Variants in MED12L observed in about 807,000 individuals in gnomAD.
MED12L encodes the protein mediator complex subunit 12L.
In MED12L, 60 loss-of-function variants were observed where a neutral mutation model predicts 281.3. The ratio of observed to expected loss-of-function variants is 0.21; its 90% confidence interval spans 0.17 to 0.26. MED12L has a LOEUF of 0.26. Among genes scored for constraint, MED12L ranks in the 10% least tolerant of loss-of-function variants. MED12L has a pLI of 1.00. For synonymous variants in MED12L, 974 were observed against 987.2 expected, an observed-to-expected ratio of 0.99 and a Z score of 0.25; for missense variants, 2,146 against 2,680.9, an observed-to-expected ratio of 0.80 and a Z score of 4.41.
chr3:151,413,703 C>CT lies in MED12L; in HGVS notation c.6297+409dup, dbSNP rs1350559836. ...TCAGATTCCTAGAGCATTCTGCAAT[C>CT]TAAAAACATTTCTATAACACCTCTG... On this transcript the variant is annotated intron_variant, in intron 42 of 44. Coordinates refer to ENST00000687756, the MANE Select transcript of MED12L (RefSeq NM_001393769.1). Among the ~76,000 whole-genome samples the CT allele has an allele frequency of 2.0e-5, 3 of 152,232 alleles. No individual in the cohort carries two copies. In the East Asian group the frequency reaches 5.8e-4, roughly 29 times the overall value.
intron 5 of MED12L, among the ~76,000 whole-genome samples, chr3:151,151,127 C>T (rs1718443755): frequency 6.9e-6 from 1 of 144,102 alleles, no homozygotes; most frequent in Non-Finnish European, 1.5e-5. Context: ...AGCTCCACGT[C>T]CCGGGGTTCA....
At chr3:151,197,702 G>C (rs970706535) in intron 16 of MED12L, 1 of 152,558 alleles carries the variant, frequency 6.6e-6, no homozygotes, top group Non-Finnish European at 1.5e-5. Flanking sequence ...AAATGTTACA[G>C]GGCCTCTGTG....
At chr3:151,129,292 G>C (rs1365233001) in intron 5 of MED12L, among the ~76,000 whole-genome samples, 1 of 152,146 alleles carries the variant, frequency 6.6e-6, no homozygotes, top group Admixed American at 6.5e-5. Context: ...AACATGGTCT[G>C]AATTCTGTGG....
intron 5 of MED12L, among the ~76,000 whole-genome samples, chr3:151,153,728 C>A (rs1160548403): frequency 6.6e-6 from 1 of 152,044 alleles, no homozygotes; most frequent in East Asian, 1.9e-4. Flanking sequence ...ACTACCATGT[C>A]TGACTAATTT....
At chr3:151,178,766 C>T (rs879826092) in intron 11 of MED12L, among the ~76,000 whole-genome samples, 1 of 152,228 alleles carries the variant, frequency 6.6e-6, no homozygotes, top group African/African-American at 2.4e-5. Flanking sequence ...ATTGCAATGT[C>T]TGACTGTAAA....
At chr3:151,404,099 A>G (rs919670713) in intron 39 of MED12L, among the ~76,000 whole-genome samples, 7 of 152,204 alleles carry the variant, frequency 4.6e-5, no homozygotes, top group African/African-American at 1.7e-4. Context: ...CTTTTTAAAA[A>G]ATGTTTTTAT....
At chr3:151,325,316 TG>T (rs1173063649) in intron 16 of MED12L, among the ~76,000 whole-genome samples, 1 of 152,222 alleles carries the variant, frequency 6.6e-6, no homozygotes, top group Admixed American at 6.5e-5. Flanking sequence ...TGAAGGTTAT[TG>T]GGAAGATCTT....
intron 2 of MED12L, among the ~76,000 whole-genome samples, chr3:151,095,431 A>G (rs1187039507): frequency 1.3e-5 from 2 of 152,092 alleles, no homozygotes; most frequent in Admixed American, 6.5e-5. Flanking sequence ...TCTGCCTCCC[A>G]GTTTCAAGCT....
intron 2 of MED12L, among the ~76,000 whole-genome samples, chr3:151,095,882 A>G (rs1401028494): frequency 2.0e-5 from 3 of 152,210 alleles, no homozygotes; most frequent in Non-Finnish European, 4.4e-5. Flanking sequence ...CTCAAAAGAA[A>G]GCCAGATTAT....
chr3:151,195,549 G>T (rs185796480), intron 16 of MED12L, among the ~76,000 whole-genome samples: 1 of 152,078 alleles, frequency 6.6e-6, no homozygotes, highest in East Asian at 1.9e-4. Context: ...GTTACCTATA[G>T]ACATTATTCA....
chr3:151,298,845 A>C (rs563739940), intron 16 of MED12L, among the ~76,000 whole-genome samples: 9 of 152,334 alleles, frequency 5.9e-5, no homozygotes, highest in African/African-American at 1.9e-4. Context: ...TAATTTCCTC[A>C]GTCATACTAG....
At chr3:151,208,004 G>GC (rs1241885771) in intron 16 of MED12L, among the ~76,000 whole-genome samples, 1 of 152,144 alleles carries the variant, frequency 6.6e-6, no homozygotes, top group Non-Finnish European at 1.5e-5. Flanking sequence ...GTTTCTCAGA[G>GC]CTTTATCTGT....
intron 16 of MED12L, among the ~76,000 whole-genome samples, chr3:151,270,467 G>A (rs1740733125): frequency 6.6e-6 from 1 of 152,086 alleles, no homozygotes; most frequent in African/African-American, 2.4e-5. Flanking sequence ...CCTTTGCTCT[G>A]CTGGAATTTG....
intron 16 of MED12L, among the ~76,000 whole-genome samples, chr3:151,195,926 A>G (rs1451092171): frequency 6.6e-6 from 1 of 152,234 alleles, no homozygotes; most frequent in Non-Finnish European, 1.5e-5. Context: ...GTGATAAATT[A>G]AGCAAAGATG....
Position 151,432,931 on chromosome 3 carries a change from C to CAT in MED12L, c.*127_*128insAT. 1.6e-6 allele frequency: 1 copy of CAT among 637,544 alleles called. No homozygotes were observed. The highest frequency in any genetic ancestry group is 2.4e-6 in the Non-Finnish European group (1 of 408,972). The allele number at this position is 637,544 out of a possible 1,614,324, so 39.5% of individuals were successfully genotyped here. ...CTTTGACATTTTACTATATTTTATG[C>CAT]TACATCTCACAAAAAAAAAAAAAGG... On this transcript the variant is annotated 3_prime_UTR_variant, in exon 45 of 45. Coordinates refer to ENST00000687756, the MANE Select transcript of MED12L (RefSeq NM_001393769.1).
chr3:151,298,051 C>T (rs768620435), intron 16 of MED12L, among the ~76,000 whole-genome samples: 4 of 152,160 alleles, frequency 2.6e-5, no homozygotes, highest in Non-Finnish European at 5.9e-5. Context: ...CATCTGGTTG[C>T]TCTGGAAGGC....
intron 16 of MED12L, chr3:151,294,880 A>G (rs768456042): frequency 1.9e-6 from 3 of 1,614,130 alleles, no homozygotes; most frequent in East Asian, 2.2e-5. Flanking sequence ...ACATGTTTGC[A>G]TAAAACAAAA....
Position 151,317,436 on chromosome 3 carries a change from C to CTTTTTTTTTT in MED12L, c.2251-32602_2251-32593dup. Among the ~76,000 whole-genome samples, 330 of 58,744 alleles carry CTTTTTTTTTT rather than the reference C, an allele frequency of 5.6e-3. 83 individuals are homozygous for CTTTTTTTTTT. The highest frequency in any genetic ancestry group is 7.9e-3 in the East Asian group (13 of 1,640). The allele number at this position is 58,744 out of a possible 152,430, so 38.5% of individuals were successfully genotyped here. On this transcript the variant is annotated intron_variant, in intron 16 of 44. Coordinates refer to ENST00000687756, the MANE Select transcript of MED12L (RefSeq NM_001393769.1). ...ATGACAAATTTATATAATCATATCACTTTTTTTTTTTTTTTTTTTTTTTTT... is the reference window on the plus strand; with the variant it reads ...ATGACAAATTTATATAATCATATCACTTTTTTTTTTTTTTTTTTTTTTTTTTTTTTTTTTT...
intron 16 of MED12L, among the ~76,000 whole-genome samples, chr3:151,276,849 A>C (rs1458779038): frequency 6.6e-6 from 1 of 152,000 alleles, no homozygotes; most frequent in African/African-American, 2.4e-5. Flanking sequence ...CTGTGTCTTC[A>C]TGCTTTGAGT....
Sources: allele counts gnomAD v4.1 joint callset (sites outside exome capture counted in the v4.1 genomes callset), GRCh38; gene constraint gnomAD v4.1.1; transcripts MANE v1.5; gene names NCBI Gene and HGNC (gene_info 2026-07-23, HGNC 2026-07-21).